The following CAST variants were observed in gnomAD, a reference collection of about 807,000 sequenced individuals.
The protein encoded by CAST is MIR583 host.
Under a neutral mutation model 119.6 loss-of-function variants are expected in CAST, and 76 were observed. That is an observed-to-expected ratio of 0.64 (90% CI 0.53 to 0.77). CAST has a LOEUF of 0.77. CAST is among the 30% of genes least tolerant of loss of function. The probability of loss-of-function intolerance (pLI) is 0.00; values close to 1 mark genes in which losing one functional copy is unlikely to be tolerated. For synonymous variants in CAST, 319 were observed against 331.6 expected (o/e 0.96, Z 0.41); for missense variants, 953 against 946.5 (o/e 1.01, Z -0.09).
the CAST span, among the ~76,000 whole-genome samples, chr5:96,269,366 G>A: frequency 1.3e-5 from 2 of 152,060 alleles, no homozygotes; most frequent in Admixed American, 6.6e-5. Flanking sequence ...AATAAAAGTA[G>A]GGGATTCGAC....
the CAST span, among the ~76,000 whole-genome samples, chr5:96,484,170 C>T: frequency 2.2e-4 from 33 of 152,118 alleles, no homozygotes; most frequent in African/African-American, 7.2e-4. Flanking sequence ...CTCTCTGGTT[C>T]TGATGAGGAG....
the CAST span, among the ~76,000 whole-genome samples, chr5:96,460,632 T>C: frequency 6.6e-6 from 1 of 151,746 alleles, no homozygotes; most frequent in Non-Finnish European, 1.5e-5. Flanking sequence ...TCGATAGCTC[T>C]GTTTGCATAC....
intron 1 of CAST, among the ~76,000 whole-genome samples, chr5:96,589,776 A>G (rs1483494180): frequency 6.6e-6 from 1 of 152,220 alleles, no homozygotes; most frequent in Non-Finnish European, 1.5e-5. Flanking sequence ...ATCTAGCACA[A>G]AAGCCTTGCT....
upstream of CAST, among the ~76,000 whole-genome samples, chr5:96,526,721 C>T (rs1745601819): frequency 6.6e-6 from 1 of 152,144 alleles, no homozygotes. Context: ...ACACTGGACC[C>T]CAGGTTGCTC....
At chr5:96,027,881 G>C in the CAST span, among the ~76,000 whole-genome samples, 1 of 152,062 alleles carries the variant, frequency 6.6e-6, no homozygotes, top group Non-Finnish European at 1.5e-5. Context: ...ACTGCGACCT[G>C]CCTGTTAGAA....
the CAST span, among the ~76,000 whole-genome samples, chr5:96,072,452 G>C: frequency 1.3e-5 from 2 of 152,088 alleles, no homozygotes. Context: ...AGCTTTTACA[G>C]GTGCTTCAGC....
chr5:96,757,772 C>A (rs1766662359), intron 24 of CAST, 118 bp downstream of exon 24: 1 of 662,734 alleles, frequency 1.5e-6, no homozygotes, highest in Non-Finnish European at 2.6e-6. Context: ...GTCACCGCAA[C>A]CTCCACCTTC....
chr5:96,102,025 A>G, the CAST span, among the ~76,000 whole-genome samples: 17 of 152,210 alleles, frequency 1.1e-4, no homozygotes, highest in African/African-American at 4.1e-4. Context: ...GGTGTGTTGT[A>G]ATGCTCTCTT....
the CAST span, among the ~76,000 whole-genome samples, chr5:96,498,765 G>A: frequency 3.3e-5 from 5 of 152,172 alleles, no homozygotes; most frequent in African/African-American, 9.6e-5. Context: ...TAGTATGTCC[G>A]CTGCCACCCT....
the CAST span, among the ~76,000 whole-genome samples, chr5:96,424,561 C>T: frequency 1.3e-5 from 2 of 152,118 alleles, no homozygotes; most frequent in Admixed American, 1.3e-4. Flanking sequence ...ATCATGAGAA[C>T]AAAATGAATT....
intron 1 of CAST, among the ~76,000 whole-genome samples, chr5:96,594,706 A>G (rs888224302): frequency 6.6e-6 from 1 of 152,168 alleles, no homozygotes; most frequent in Non-Finnish European, 1.5e-5. Flanking sequence ...TCAAATTTTT[A>G]TTTTGCAGTA....
the CAST span, among the ~76,000 whole-genome samples, chr5:96,298,849 T>C: frequency 6.7e-6 from 1 of 149,778 alleles, no homozygotes; most frequent in Admixed American, 6.8e-5. Flanking sequence ...TTATGAAAAA[T>C]GCTAAGCTCT....
the CAST span, among the ~76,000 whole-genome samples, chr5:96,330,542 C>T: frequency 6.6e-6 from 1 of 152,270 alleles, no homozygotes; most frequent in Non-Finnish European, 1.5e-5. Flanking sequence ...CCCTTTTTCC[C>T]CAGTTCCTAT....
the CAST span, among the ~76,000 whole-genome samples, chr5:96,330,322 TGCTTCCCCTTG>T: frequency 1.3e-5 from 2 of 152,102 alleles, no homozygotes; most frequent in Admixed American, 6.6e-5. Context: ...AGAAGAGAGG[TGCTTCCCCTTG>T]GCTTCCCCCA....
intron 1 of CAST, among the ~76,000 whole-genome samples, chr5:96,626,949 C>T (rs1561434480): frequency 6.6e-6 from 1 of 152,188 alleles, no homozygotes; most frequent in Non-Finnish European, 1.5e-5. Flanking sequence ...GTAAATTCTG[C>T]ATTGCTTTCT....
the CAST span, among the ~76,000 whole-genome samples, chr5:96,238,313 C>G: frequency 0.036 from 1,418 of 39,790 alleles, 30 homozygotes; most frequent in African/African-American, 0.086. Flanking sequence ...TCTTCTTCTT[C>G]TTCTTCTTCT....
the CAST span, among the ~76,000 whole-genome samples, chr5:96,446,179 C>CAAAA: frequency 6.1e-5 from 7 of 114,058 alleles, no homozygotes; most frequent in African/African-American, 8.7e-5. Context: ...TTTTAGTGTA[C>CAAAA]AAAAAAAAAA....
the CAST span, among the ~76,000 whole-genome samples, chr5:95,965,470 T>C: frequency 1.3e-4 from 20 of 152,354 alleles, no homozygotes; most frequent in Middle Eastern, 3.4e-3. Flanking sequence ...CTTAAACTCA[T>C]CTATACAAAA....
the CAST span, among the ~76,000 whole-genome samples, chr5:96,482,653 C>G: frequency 1.3e-5 from 2 of 152,034 alleles, no homozygotes; most frequent in African/African-American, 4.8e-5. Flanking sequence ...CAACTCTGAT[C>G]TGGTGATTGT....
Sources: allele counts gnomAD v4.1 joint callset (sites outside exome capture counted in the v4.1 genomes callset), GRCh38; gene constraint gnomAD v4.1.1; transcripts MANE v1.5; gene names NCBI Gene and HGNC (gene_info 2026-07-23, HGNC 2026-07-21).